The following CRISP2 variants were observed in gnomAD, a reference collection of about 807,000 sequenced individuals.
CRISP2 encodes the protein cysteine rich secretory protein 2, also known as cysteine-rich secretory protein 2.
A neutral mutation model predicts 31.7 loss-of-function variants in CRISP2; 29 were observed. The ratio of observed to expected loss-of-function variants is 0.92; its 90% CI spans 0.68 to 1.25. CRISP2 has a LOEUF of 1.25. Among genes scored for constraint, CRISP2 ranks in the 50% most tolerant of loss-of-function variants. The probability of loss-of-function intolerance (pLI) is 0.00; values close to 1 mark genes in which losing one functional copy is unlikely to be tolerated. For synonymous variants in CRISP2, 111 were observed against 101.4 expected (o/e 1.09, Z -0.57); for missense variants, 318 against 286.5 (o/e 1.11, Z -0.79).
intron 4 of CRISP2, among the ~76,000 whole-genome samples, chr6:49,702,944 T>A (rs1353490822): frequency 6.6e-6 from 1 of 152,126 alleles, no homozygotes; most frequent in Non-Finnish European, 1.5e-5. Context: ...AGAGTTTACA[T>A]GGTTTGGTCT....
intron 3 of CRISP2, among the ~76,000 whole-genome samples, chr6:49,709,699 T>G (rs962803047): frequency 1.3e-5 from 2 of 152,224 alleles, no homozygotes; most frequent in African/African-American, 4.8e-5. Flanking sequence ...TACACAGATA[T>G]GGTTGTGCAA....
At chr6:49,700,021 T>A in intron 5 of CRISP2, 130 bp from the exon 6 acceptor site, 1 of 774,316 alleles carries the variant, frequency 1.3e-6, no homozygotes, top group South Asian at 2.0e-5. Context: ...TATTAAAATG[T>A]TTTTAAGTGT....
intron 3 of CRISP2, among the ~76,000 whole-genome samples, chr6:49,709,977 A>G (rs1206389490): frequency 6.6e-6 from 1 of 152,180 alleles, no homozygotes; most frequent in Admixed American, 6.5e-5. Flanking sequence ...TTCAGATGAA[A>G]CAACAAGACC....
At chr6:49,678,920 C>T in the CRISP2 span, among the ~76,000 whole-genome samples, 2 of 152,120 alleles carry the variant, frequency 1.3e-5, no homozygotes, top group Non-Finnish European at 2.9e-5. Context: ...GAATTGGTGT[C>T]CCAGTTGGCT....
intron 5 of CRISP2, 37 bp from the exon 6 acceptor site, chr6:49,699,928 T>C (rs984733323): frequency 2.1e-5 from 33 of 1,553,598 alleles, no homozygotes; most frequent in Non-Finnish European, 2.9e-5. Context: ...ACTTAATGAT[T>C]CAGCCACAAT....
At chr6:49,704,894 T>C (rs1766746366) in intron 4 of CRISP2, among the ~76,000 whole-genome samples, 1 of 152,192 alleles carries the variant, frequency 6.6e-6, no homozygotes, top group Non-Finnish European at 1.5e-5. Flanking sequence ...TTACAGGCAG[T>C]GGAATTAACT....
the CRISP2 span, among the ~76,000 whole-genome samples, chr6:49,687,213 T>C: frequency 1.1e-4 from 16 of 152,172 alleles, no homozygotes; most frequent in African/African-American, 3.9e-4. Context: ...TAAATACAAT[T>C]ATCAGTACTG....
At chr6:49,685,491 C>T in the CRISP2 span, among the ~76,000 whole-genome samples, 1 of 152,190 alleles carries the variant, frequency 6.6e-6, no homozygotes, top group African/African-American at 2.4e-5. Flanking sequence ...TTCAATAGAA[C>T]ACCACAGGGT....
At chr6:49,712,042 T>G (rs1458425176) in intron 2 of CRISP2, among the ~76,000 whole-genome samples, 1 of 152,212 alleles carries the variant, frequency 6.6e-6, no homozygotes, top group Non-Finnish European at 1.5e-5. Flanking sequence ...TTAAGAGACA[T>G]GTGTTTCCTT....
chr6:49,695,031 T>G (rs1364878601), intron 9 of CRISP2, among the ~76,000 whole-genome samples: 1 of 152,124 alleles, frequency 6.6e-6, no homozygotes, highest in Admixed American at 6.6e-5. Context: ...AATATAGCTA[T>G]ATAACTGAGT....
the CRISP2 span, among the ~76,000 whole-genome samples, chr6:49,683,663 CAAAAAAAAAAAAAAA>C: frequency 2.2e-4 from 4 of 18,512 alleles, no homozygotes; most frequent in African/African-American, 4.5e-4. Context: ...GACTCCATTT[CAAAAAAAAAAAAAAA>C]AAAAAAAAAA....
intron 2 of CRISP2, among the ~76,000 whole-genome samples, chr6:49,711,718 AATTATCAACTACCTGTAGCTTATTG>A (rs904741489): frequency 6.6e-5 from 10 of 152,124 alleles, no homozygotes; most frequent in African/African-American, 2.4e-4. Flanking sequence ...TTTACTTTCT[AATTATCAACTACCTGTAGCTTATTG>A]GTTACGGGTG....
In CRISP2 at chr6:49,695,856, T is replaced by C; in HGVS notation, c.584A>G (p.Asp195Gly). The C allele has an allele frequency of 6.2e-7, 1 of 1,612,698 alleles. No individual in the cohort carries two copies. The highest frequency in any genetic ancestry group is 8.5e-7 in the Non-Finnish European group (1 of 1,179,090). The change falls in exon 9 of 10, where the codon GAC becomes GGC. Residue 195 changes from aspartate to glycine, a missense_variant. Coordinates refer to ENST00000339139, the MANE Select transcript of CRISP2 (RefSeq NM_003296.4). ...CTTACTGCATAGTCCTTTGTCACAGTCATCAGGGCAACCGGCACAAGGTGT... is the reference window on the plus strand; with the variant it reads ...CTTACTGCATAGTCCTTTGTCACAGCCATCAGGGCAACCGGCACAAGGTGT... ...QGTPCAGCPD[D>G]CDKGLCTNSC...
At chr6:49,693,734 T>G (rs570515187) in intron 9 of CRISP2, among the ~76,000 whole-genome samples, 1 of 152,338 alleles carries the variant, frequency 6.6e-6, no homozygotes, top group South Asian at 2.1e-4. Flanking sequence ...GACCATCTAA[T>G]GTTTTTTTCA....
At chr6:49,683,159 A>AAAAT in the CRISP2 span, among the ~76,000 whole-genome samples, 22,407 of 141,456 alleles carry the variant, frequency 0.16, 1,892 homozygotes, top group African/African-American at 0.21. Flanking sequence ...ACTCCATCTC[A>AAAAT]AAATAAATAA....
chr6:49,690,269 T>TA (rs1452440043), downstream of CRISP2, among the ~76,000 whole-genome samples: 1 of 152,058 alleles, frequency 6.6e-6, no homozygotes, highest in African/African-American at 2.4e-5. Flanking sequence ...TAGGAATAAA[T>TA]AGTCACAGGT....
intron 6 of CRISP2, among the ~76,000 whole-genome samples, 173 bp from the exon 7 acceptor site, chr6:49,698,680 A>T (rs572875635): frequency 6.6e-6 from 1 of 152,274 alleles, no homozygotes; most frequent in Non-Finnish European, 1.5e-5. Flanking sequence ...TGATTAGAAC[A>T]CTTAACTGCC....
the CRISP2 span, among the ~76,000 whole-genome samples, chr6:49,684,906 C>CT: frequency 1.7e-4 from 26 of 152,260 alleles, no homozygotes; most frequent in Admixed American, 1.6e-3. Flanking sequence ...CTCATAGAGA[C>CT]TTTTTGCATG....
downstream of CRISP2, among the ~76,000 whole-genome samples, chr6:49,687,786 G>C (rs1485950922): frequency 1.3e-5 from 2 of 152,190 alleles, no homozygotes; most frequent in Admixed American, 1.3e-4. Flanking sequence ...CTCCTCTCAT[G>C]TACTCAGGGG....
Sources: allele counts gnomAD v4.1 joint callset (sites outside exome capture counted in the v4.1 genomes callset), GRCh38; gene constraint gnomAD v4.1.1; transcripts MANE v1.5; gene names NCBI Gene and HGNC (gene_info 2026-07-23, HGNC 2026-07-21).